DLGAP2: variants seen among roughly 807,000 people sequenced by gnomAD.
DLGAP2 encodes the protein disks large-associated protein 2.
In DLGAP2, 26 loss-of-function variants were observed where a neutral mutation model predicts 100.3. The ratio of observed to expected loss-of-function variants is 0.26; its 90% CI spans 0.19 to 0.36. The LOEUF (loss-of-function observed/expected upper bound fraction) is 0.36, where lower values mean the gene tolerates loss of function less well. Ranked by LOEUF, DLGAP2 falls within the 10% of genes least tolerant of loss-of-function variation. DLGAP2 has a pLI of 1.00. For missense variants in DLGAP2, 1,858 were observed against 1,453.2 expected, an observed-to-expected ratio of 1.28 and a Z score of -4.53; for synonymous variants, 886 against 630.1, an observed-to-expected ratio of 1.41 and a Z score of -6.08.
intron 2 of DLGAP2, among the ~76,000 whole-genome samples, chr8:1,089,714 C>T (rs565734010): frequency 3.3e-5 from 5 of 152,186 alleles, no homozygotes; most frequent in Non-Finnish European, 7.3e-5. Context: ...TTTATCATGG[C>T]AGTTTAAAGG....
At chr8:764,776 G>A (rs772693934) in intron 1 of DLGAP2, among the ~76,000 whole-genome samples, 74 of 152,210 alleles carry the variant, frequency 4.9e-4, no homozygotes, top group Admixed American at 1.6e-3. Flanking sequence ...TAACTTGCAG[G>A]TTCTCTCATA....
chr8:1,681,319 A>G (rs1335244272), intron 12 of DLGAP2, among the ~76,000 whole-genome samples: 1 of 148,910 alleles, frequency 6.7e-6, no homozygotes, highest in Non-Finnish European at 1.5e-5. Context: ...TCATTTTTGA[A>G]AAGATATCTT....
At chr8:808,739 A>C (rs949762892) in intron 1 of DLGAP2, among the ~76,000 whole-genome samples, 1 of 152,106 alleles carries the variant, frequency 6.6e-6, no homozygotes, top group Non-Finnish European at 1.5e-5. Context: ...CAGCCAACCC[A>C]CCTCACGCTT....
intron 2 of DLGAP2, among the ~76,000 whole-genome samples, chr8:911,783 A>T (rs1798490686): frequency 6.6e-6 from 1 of 152,112 alleles, no homozygotes; most frequent in Admixed American, 6.6e-5. Flanking sequence ...TGTTGGAAGG[A>T]TATGTGTATA....
chr8:834,016 C>T (rs945136324), intron 1 of DLGAP2, among the ~76,000 whole-genome samples: 2 of 152,178 alleles, frequency 1.3e-5, no homozygotes, highest in Non-Finnish European at 2.9e-5. Flanking sequence ...CACAAAGAGG[C>T]CTGGAGACGT....
chr8:1,109,060 T>C (rs1804871649), intron 2 of DLGAP2, among the ~76,000 whole-genome samples: 1 of 138,530 alleles, frequency 7.2e-6, no homozygotes, highest in Non-Finnish European at 1.6e-5. Flanking sequence ...GCCTATGAAG[T>C]GTGCTGGGTC....
intron 3 of DLGAP2, among the ~76,000 whole-genome samples, chr8:1,260,649 A>G (rs552678882): frequency 3.6e-5 from 5 of 138,812 alleles, no homozygotes; most frequent in African/African-American, 1.3e-4. Context: ...CCAGTAAATC[A>G]GAATCCATGA....
In DLGAP2 at chr8:1,179,009, C is replaced by T. The variant is rs79209914; in HGVS notation, c.74-79842C>T. The stretch of plus-strand genomic sequence containing the variant: ...TAGGTCCCTACAGATTAATTTCGAG[C>T]CCCTGCTGTAAAACTCCCAGCTTCT... On this transcript the variant is annotated intron_variant, in intron 2 of 14. Transcript: ENST00000637795. Among the ~76,000 whole-genome samples, 1,228 of 152,320 alleles carry T rather than the reference C, an allele frequency of 8.1e-3. 9 individuals are homozygous for T. The highest frequency in any genetic ancestry group is 0.028 in the African/African-American group (1,171 of 41,570).
chr8:1,105,638 A>G (rs1804732747), intron 2 of DLGAP2, among the ~76,000 whole-genome samples: 1 of 133,150 alleles, frequency 7.5e-6, no homozygotes. Context: ...TTTTTACTGA[A>G]GGGAGCCATT....
intron 6 of DLGAP2, among the ~76,000 whole-genome samples, chr8:1,586,691 G>T (rs1478274361): frequency 6.6e-6 from 1 of 152,224 alleles, no homozygotes; most frequent in East Asian, 1.9e-4. Context: ...TTCTGTGGCG[G>T]ACTCTAGGCC....
Position 1,314,534 on chromosome 8 carries a change from C to G in DLGAP2, c.106+55651C>G, listed in dbSNP as rs140362162. Among the ~76,000 whole-genome samples the G allele has an allele frequency of 9.4e-4, 143 of 152,302 alleles. 4 individuals are homozygous for G. The East Asian group carries it at 0.02, about 22-fold the overall frequency. On this transcript the variant is annotated intron_variant, in intron 3 of 14. Coordinates refer to ENST00000637795, the MANE Select transcript of DLGAP2 (RefSeq NM_001346810.2). Reference sequence around the variant, plus strand: ...TTTAACATGTCAGGGGAGACATGGCCGAGTTACCCTCCAGCCACCATCTGA... The same window carrying G: ...TTTAACATGTCAGGGGAGACATGGCGGAGTTACCCTCCAGCCACCATCTGA...
intron 8 of DLGAP2, among the ~76,000 whole-genome samples, chr8:1,656,261 G>A (rs1798282533): frequency 6.6e-6 from 1 of 151,930 alleles, no homozygotes; most frequent in Admixed American, 6.6e-5. Context: ...AGTGAGCTGA[G>A]ATCGTGCCAC....
intron 3 of DLGAP2, among the ~76,000 whole-genome samples, chr8:1,269,885 C>A (rs1446701174): frequency 2.0e-5 from 3 of 152,184 alleles, no homozygotes; most frequent in African/African-American, 4.8e-5. Flanking sequence ...CTGAGTGACT[C>A]ATTTTCTAAA....
chr8:1,308,608 C>G (rs1800545118), intron 3 of DLGAP2, among the ~76,000 whole-genome samples: 1 of 152,196 alleles, frequency 6.6e-6, no homozygotes, highest in African/African-American at 2.4e-5. Context: ...TCACTGCAAC[C>G]TCAACCTCCT....
chr8:1,047,503 C>A (rs1480983103), intron 2 of DLGAP2, among the ~76,000 whole-genome samples: 1 of 152,232 alleles, frequency 6.6e-6, no homozygotes, highest in African/African-American at 2.4e-5. Flanking sequence ...AGTCTCCTCA[C>A]ATCTTAGTGC....
intron 2 of DLGAP2, among the ~76,000 whole-genome samples, chr8:1,215,992 GCA>G (rs1491333708): frequency 4.6e-5 from 7 of 152,242 alleles, no homozygotes; most frequent in African/African-American, 7.2e-5. Context: ...GGTTCATTAG[GCA>G]CATCACCTGG....
chr8:1,464,268 G>GACACCCTTCCAGGACA lies in DLGAP2; in HGVS notation c.107-37098_107-37097insACACCCTTCCAGGACA, dbSNP rs1798549335. 5.9e-5 allele frequency among the ~76,000 whole-genome samples: 2 copies of GACACCCTTCCAGGACA among 33,638 alleles called. 1 individual carries two copies. Among genetic ancestry groups the GACACCCTTCCAGGACA allele is most frequent in the East Asian group, 8.8e-3 (2 of 226 alleles). The allele number at this position is 33,638 out of a possible 152,430, so 22.1% of individuals were successfully genotyped here. On this transcript the variant is annotated intron_variant, in intron 3 of 14. Coordinates refer to ENST00000637795, the MANE Select transcript of DLGAP2 (RefSeq NM_001346810.2). The stretch of plus-strand genomic sequence containing the variant: ...TTCCAGGACGGCTCCCTTCCAGGAC[G>GACACCCTTCCAGGACA]GCACCCTTCCAGGACAACGCCCTTC...
chr8:1,096,463 GAACT>G (rs1166775323), intron 2 of DLGAP2, among the ~76,000 whole-genome samples: 23 of 152,234 alleles, frequency 1.5e-4, no homozygotes, highest in African/African-American at 5.5e-4. Flanking sequence ...CCCAGCGTGA[GAACT>G]ACCTCCCTGT....
intron 3 of DLGAP2, among the ~76,000 whole-genome samples, chr8:1,282,646 G>GC (rs1799840568): frequency 1.0e-4 from 10 of 98,514 alleles, no homozygotes; most frequent in African/African-American, 2.0e-4. Flanking sequence ...TGAACCCAGC[G>GC]CATGAACCAT....
Sources: gnomAD v4.1 joint callset for allele counts (sites outside exome capture counted in the v4.1 genomes callset) on GRCh38, gnomAD v4.1.1 for gene constraint, MANE v1.5 for transcripts, NCBI Gene and HGNC (gene_info 2026-07-23, HGNC 2026-07-21) for gene names.